Variants in PPP1R1C observed in about 807,000 individuals in gnomAD.
PPP1R1C encodes the protein protein phosphatase 1 regulatory subunit 1C.
PPP1R1C carries 15 observed loss-of-function variants against 17.4 expected under a neutral mutation model. The ratio of observed to expected loss-of-function variants is 0.86; its 90% CI spans 0.58 to 1.33. PPP1R1C has a LOEUF of 1.33. PPP1R1C is among the 40% of genes most tolerant of loss of function. PPP1R1C has a pLI of 0.00. For missense variants in PPP1R1C, 143 were observed against 130.0 expected, an observed-to-expected ratio of 1.10 and a Z score of -0.48; for synonymous variants, 35 against 43.1, an observed-to-expected ratio of 0.81 and a Z score of 0.73.
intron 4 of PPP1R1C, among the ~76,000 whole-genome samples, chr2:182,106,548 C>A (rs1689259056): frequency 6.6e-6 from 1 of 152,130 alleles, no homozygotes; most frequent in South Asian, 2.1e-4. Flanking sequence ...GGCTCCCCAT[C>A]CATCTGCTGA....
intron 1 of PPP1R1C, among the ~76,000 whole-genome samples, chr2:181,960,555 C>A (rs561271567): frequency 6.6e-6 from 1 of 152,332 alleles, no homozygotes; most frequent in East Asian, 1.9e-4. Context: ...CGTTTTCCAT[C>A]CTCCATTTCC....
At chr2:182,091,162 A>G (rs1559089164) in intron 4 of PPP1R1C, among the ~76,000 whole-genome samples, 1 of 152,224 alleles carries the variant, frequency 6.6e-6, no homozygotes, top group Non-Finnish European at 1.5e-5. Flanking sequence ...AGAAAAACAG[A>G]GCACAAAGGA....
At chr2:182,024,341 A>G (rs1373093066) in intron 2 of PPP1R1C, among the ~76,000 whole-genome samples, 1 of 152,184 alleles carries the variant, frequency 6.6e-6, no homozygotes, top group Non-Finnish European at 1.5e-5. Flanking sequence ...GAACCAAAAA[A>G]TTTAAGGGTT....
intron 4 of PPP1R1C, among the ~76,000 whole-genome samples, chr2:182,067,432 T>A (rs966789726): frequency 6.6e-6 from 1 of 151,976 alleles, no homozygotes; most frequent in Admixed American, 6.6e-5. Context: ...ATAAGAAGGC[T>A]AACATGGATT....
At chr2:181,983,424 C>A (rs1390472919), upstream of PPP1R1C, among the ~76,000 whole-genome samples, 2 of 152,078 alleles carry the variant, frequency 1.3e-5, no homozygotes, top group Non-Finnish European at 2.9e-5. Flanking sequence ...TAATTCCTGG[C>A]ACATGGTATC....
downstream of PPP1R1C, among the ~76,000 whole-genome samples, chr2:182,121,887 C>T (rs1689741982): frequency 6.6e-6 from 1 of 152,180 alleles, no homozygotes; most frequent in Non-Finnish European, 1.5e-5. Flanking sequence ...TCCCCTTCTA[C>T]ACCTTTCCTG....
At chr2:182,101,164 C>T (rs1689088720) in intron 4 of PPP1R1C, among the ~76,000 whole-genome samples, 1 of 152,178 alleles carries the variant, frequency 6.6e-6, no homozygotes, top group Non-Finnish European at 1.5e-5. Context: ...TTTCTGACTA[C>T]TTCAAATTAT....
Position 181,965,936 on chromosome 2 carries a change from G to A in PPP1R1C, n.112-9283G>A, listed in dbSNP as rs558409815. 2.0e-5 allele frequency among the ~76,000 whole-genome samples: 3 copies of A among 152,126 alleles called. No homozygotes were observed. The East Asian group carries it at 5.8e-4, about 29-fold the overall frequency. The stretch of plus-strand genomic sequence containing the variant: ...AATATTAACTCTTCCAATCCATGAA[G>A]ATGAAATATTTTTGCACTCTTTCAT... On this transcript the variant is annotated intron_variant and non_coding_transcript_variant, in intron 1 of 5. Transcript: ENST00000464264.
upstream of PPP1R1C, among the ~76,000 whole-genome samples, chr2:181,983,352 T>C (rs1380394311): frequency 6.6e-6 from 1 of 152,206 alleles, no homozygotes; most frequent in Non-Finnish European, 1.5e-5. Context: ...AAATTGAGGA[T>C]AGCAATAATA....
intron 2 of PPP1R1C, among the ~76,000 whole-genome samples, chr2:182,010,519 T>A (rs1161975710): frequency 6.6e-6 from 1 of 152,108 alleles, no homozygotes; most frequent in Non-Finnish European, 1.5e-5. Flanking sequence ...TACTAGTTTT[T>A]TGGTGGAGTC....
chr2:181,984,990 C>A (rs1289733206), upstream of PPP1R1C, among the ~76,000 whole-genome samples: 1 of 152,136 alleles, frequency 6.6e-6, no homozygotes, highest in Admixed American at 6.5e-5. Context: ...CAATATCAAC[C>A]CTCTGAACAT....
At chr2:182,084,811 T>C (rs1013225482) in intron 4 of PPP1R1C, among the ~76,000 whole-genome samples, 1 of 152,188 alleles carries the variant, frequency 6.6e-6, no homozygotes, top group East Asian at 1.9e-4. Flanking sequence ...GATGTTTTGA[T>C]AGGAATTGCA....
intron 1 of PPP1R1C, among the ~76,000 whole-genome samples, chr2:181,968,216 G>A (rs998158010): frequency 3.3e-5 from 5 of 152,306 alleles, no homozygotes; most frequent in African/African-American, 1.2e-4. Context: ...GGACCATTTG[G>A]TCTGTAGCAT....
intron 1 of PPP1R1C, among the ~76,000 whole-genome samples, chr2:181,971,760 T>C (rs563420505): frequency 6.6e-6 from 1 of 152,274 alleles, no homozygotes; most frequent in Non-Finnish European, 1.5e-5. Context: ...GGATGGATGA[T>C]TCCTTTCTGT....
At chr2:182,088,017 A>G (rs1246979899) in intron 4 of PPP1R1C, among the ~76,000 whole-genome samples, 1 of 152,180 alleles carries the variant, frequency 6.6e-6, no homozygotes, top group African/African-American at 2.4e-5. Context: ...CAGAAGAAGA[A>G]TGATCTCTTG....
chr2:182,002,595 A>C (rs1685798281), intron 2 of PPP1R1C, among the ~76,000 whole-genome samples: 1 of 152,064 alleles, frequency 6.6e-6, no homozygotes, highest in Admixed American at 6.6e-5. Flanking sequence ...CCAGCTCTTT[A>C]TTCATAATCT....
intron 1 of PPP1R1C, among the ~76,000 whole-genome samples, chr2:181,964,642 C>T (rs941255806): frequency 2.0e-5 from 3 of 152,048 alleles, no homozygotes; most frequent in African/African-American, 7.2e-5. Context: ...TATTATCTGT[C>T]TTTTGGAAAA....
intron 2 of PPP1R1C, among the ~76,000 whole-genome samples, chr2:182,034,498 G>C (rs1223571415): frequency 6.6e-6 from 1 of 152,164 alleles, no homozygotes; most frequent in Non-Finnish European, 1.5e-5. Flanking sequence ...TGAGGCTGGA[G>C]AGCAGAGAGG....
At chr2:181,990,669 C>T (rs1685450306) in intron 2 of PPP1R1C, among the ~76,000 whole-genome samples, 1 of 152,186 alleles carries the variant, frequency 6.6e-6, no homozygotes, top group East Asian at 1.9e-4. Flanking sequence ...ATAATCTCAT[C>T]TGTTCTAAAT....
Sources: allele counts gnomAD v4.1 joint callset (sites outside exome capture counted in the v4.1 genomes callset), GRCh38; gene constraint gnomAD v4.1.1; transcripts MANE v1.5; gene names NCBI Gene and HGNC (gene_info 2026-07-23, HGNC 2026-07-21).